ITGA7: variants seen among roughly 807,000 people sequenced by gnomAD.
ITGA7 encodes the protein integrin alpha-7.
Under a neutral mutation model 131.6 loss-of-function variants are expected in ITGA7, and 84 were observed. The observed-to-expected ratio is 0.64, with a 90% CI of 0.54 to 0.77. The LOEUF (loss-of-function observed/expected upper bound fraction) is 0.77, where lower values mean the gene tolerates loss of function less well. Among genes scored for constraint, ITGA7 ranks in the 30% least tolerant of loss-of-function variants. The probability of loss-of-function intolerance (pLI) is 0.00; values close to 1 mark genes in which losing one functional copy is unlikely to be tolerated. For synonymous variants in ITGA7, 548 were observed against 600.7 expected (o/e 0.91, Z 1.28); for missense variants, 1,399 against 1,482.9 (o/e 0.94, Z 0.93).
At chr12:55,695,042 C>T in intron 14 of ITGA7, 72 bp from the exon 15 acceptor site, 2 of 1,456,132 alleles carry the variant, frequency 1.4e-6, no homozygotes, top group Non-Finnish European at 9.4e-7. Flanking sequence ...CAGTCTGCTC[C>T]CCCAGTACCT....
upstream of ITGA7, among the ~76,000 whole-genome samples, chr12:55,714,709 T>C (rs1245944719): frequency 1.6e-5 from 2 of 126,464 alleles, no homozygotes; most frequent in Admixed American, 8.7e-5. Flanking sequence ...ATTTTATATA[T>C]ACATATATAC....
Position 55,700,990 on chromosome 12 carries a change from T to C in ITGA7, c.579A>G (p.Gln193=), listed in dbSNP as rs1332051001. 1 of 1,614,078 alleles carries C rather than the reference T, an allele frequency of 6.2e-7. No homozygotes were observed. Among genetic ancestry groups the C allele is most frequent in the Non-Finnish European group, 8.5e-7 (1 of 1,180,038 alleles). ...FCEGRPQGHE[Q]FGFCQQGTAA... is the part of the protein sequence containing the mutation. ...CTGTGCCCTGCTGGCAGAACCCAAA[T>C]TGTTCATGGCCTTGGGGGCGTCCCT... Residue 193 remains glutamine (Q), a synonymous_variant, in exon 4 of 25, where the codon CAA becomes CAG. Coordinates refer to ENST00000257879, the MANE Select transcript of ITGA7 (RefSeq NM_002206.3).
At chr12:55,690,550 G>A (rs898014626) in intron 21 of ITGA7, among the ~76,000 whole-genome samples, 6 of 149,994 alleles carry the variant, frequency 4.0e-5, no homozygotes, top group African/African-American at 1.2e-4. Flanking sequence ...CAAACCTTGT[G>A]GAAGTCAGTG....
chr12:55,707,586 C>A lies in ITGA7; in HGVS notation c.97G>T (p.Ala33Ser), dbSNP rs751094711. 2 of 1,613,670 alleles carry A rather than the reference C, an allele frequency of 1.2e-6. No homozygotes were observed. The highest frequency in any genetic ancestry group is 3.3e-5 in the Admixed American group (2 of 59,982). Residue 33 changes from alanine (A) to serine (S), a missense_variant, in exon 1 of 25, where the codon GCC (alanine) becomes TCC (serine). Transcript: ENST00000257879. ...GCACCCATCACGTCCAGATTGAAGG[C>A]GACAGCCCGTGAGAAGAGCAGTTCG... ...LVELLFSRAV[A>S]FNLDVMGALR... is the part of the protein sequence containing the mutation.
chr12:55,701,556 C>T, intron 3 of ITGA7: 1 of 789,582 alleles, frequency 1.3e-6, no homozygotes, highest in Admixed American at 2.1e-5. Flanking sequence ...CAAAGAACTT[C>T]CTGTCCGCTT....
chr12:55,699,865 C>T lies in ITGA7; in HGVS notation c.790+5G>A, dbSNP rs1304237615. 1 of 1,602,460 alleles carries T rather than the reference C, an allele frequency of 6.2e-7. No individual in the cohort carries two copies. The highest frequency in any genetic ancestry group is 1.7e-5 in the Admixed American group (1 of 57,230). Reference sequence around the variant, plus strand: ...CTAGAGTCCAGGAGGTGGGAGCTTACAAACCTAAGTAGCTATTGAGGGCCA... The same window carrying T: ...CTAGAGTCCAGGAGGTGGGAGCTTATAAACCTAAGTAGCTATTGAGGGCCA... On this transcript the variant is annotated splice_donor_5th_base_variant and intron_variant, in intron 5 of 24. Coordinates refer to ENST00000257879, the MANE Select transcript of ITGA7 (RefSeq NM_002206.3).
rs1047137380 is a variant in ITGA7 at position 55,706,617 on chromosome 12, T to C, written c.206+860A>G. ...GCAAGAGCCAAGGATACAGGCAACA[T>C]GACCAGTCACAGGCCCCTCACAAAA... On this transcript the variant is annotated intron_variant, in intron 1 of 24. Coordinates refer to ENST00000257879, the MANE Select transcript of ITGA7 (RefSeq NM_002206.3). Among the ~76,000 whole-genome samples the C allele has an allele frequency of 8.6e-5, 13 of 151,462 alleles. No homozygotes were observed. The South Asian group carries it at 2.5e-3, about 29-fold the overall frequency.
chr12:55,698,601 T>C (rs773457848), intron 6 of ITGA7, 25 bp from the exon 7 acceptor site: 13 of 1,613,988 alleles, frequency 8.1e-6, no homozygotes, highest in Non-Finnish European at 9.3e-6. Flanking sequence ...AAACATTCAG[T>C]GTGGGTCCTC....
rs538895083 is a variant in ITGA7, at chr12:55,699,327, C to T, written c.791-410G>A. On this transcript the variant is annotated intron_variant, in intron 5 of 24. Transcript: ENST00000257879. ...AAGAGCTAGAGGTCCCTCTCAGGCC[C>T]GAATCCCACCCAGTGCACCTCTTTC... 1.2e-4 allele frequency among the ~76,000 whole-genome samples: 19 copies of T among 152,234 alleles called. No homozygotes were observed. In the South Asian group the frequency reaches 2.5e-3, roughly 20 times the overall value.
upstream of ITGA7, among the ~76,000 whole-genome samples, chr12:55,714,972 T>C (rs1876411380): frequency 6.7e-6 from 1 of 150,040 alleles, no homozygotes; most frequent in Non-Finnish European, 1.5e-5. Flanking sequence ...GCGATTCTCC[T>C]GCCTCAGGCT....
chr12:55,712,927 G>C (rs190968423), upstream of ITGA7, among the ~76,000 whole-genome samples: 1 of 152,202 alleles, frequency 6.6e-6, no homozygotes, highest in Non-Finnish European at 1.5e-5. Flanking sequence ...TTGTGAAAAT[G>C]TCAGGCAGTT....
intron 21 of ITGA7, among the ~76,000 whole-genome samples, chr12:55,690,554 G>C (rs1871210383): frequency 2.0e-5 from 3 of 150,108 alleles, no homozygotes; most frequent in African/African-American, 2.4e-5. Flanking sequence ...CCTTGTGGAA[G>C]TCAGTGTGGC....
intron 1 of ITGA7, among the ~76,000 whole-genome samples, chr12:55,705,178 T>C (rs775166496): frequency 5.9e-5 from 9 of 151,780 alleles, no homozygotes; most frequent in Non-Finnish European, 1.3e-4. Flanking sequence ...GCTGAGTGCA[T>C]AGATATGCCC....
At chr12:55,695,740 C>T in intron 13 of ITGA7, 103 bp from the exon 14 acceptor site, 3 of 800,114 alleles carry the variant, frequency 3.7e-6, no homozygotes, top group South Asian at 2.8e-5. Context: ...GATTAAACAA[C>T]CTGTCCTCAA....
chr12:55,688,097 C>G lies in ITGA7; in HGVS notation c.3058-1G>C. 2.5e-6 allele frequency: 4 copies of G among 1,614,146 alleles called. No individual in the cohort carries two copies. Among genetic ancestry groups the G allele is most frequent in the Non-Finnish European group, 3.4e-6 (4 of 1,180,020 alleles). The stretch of plus-strand genomic sequence containing the variant: ...GGTCCAAGTATACCATCACTGGGAT[C>G]TGGGGAGCAAGGGGTCAATGGAGCA... On this transcript the variant is annotated splice_acceptor_variant, in intron 23 of 24. Transcript: ENST00000257879. LOFTEE classifies it high-confidence loss of function.
intron 4 of ITGA7, chr12:55,700,668 G>T: frequency 1.5e-6 from 1 of 656,236 alleles, no homozygotes; most frequent in Non-Finnish European, 2.6e-6. Context: ...CAGGCCCAGC[G>T]TGCACTTGGG....
At chr12:55,712,852 C>A (rs1876233790), upstream of ITGA7, among the ~76,000 whole-genome samples, 1 of 152,148 alleles carries the variant, frequency 6.6e-6, no homozygotes, top group Non-Finnish European at 1.5e-5. Flanking sequence ...GGCAAAGGAA[C>A]AGCCAGTGTG....
Position 55,695,102 on chromosome 12 carries a change from G to C in ITGA7, c.2004-132C>G, listed in dbSNP as rs938728272. ...CCCACCCCAGGTCCCCATCACACCC[G>C]TCCAAGCCTCAGGCCTCTGTACACA... On this transcript the variant is annotated intron_variant, in intron 14 of 24. Coordinates refer to ENST00000257879, the MANE Select transcript of ITGA7 (RefSeq NM_002206.3). The C allele has an allele frequency of 3.0e-5, 26 of 872,126 alleles. No homozygotes were observed. The South Asian group carries it at 3.4e-4, about 12-fold the overall frequency. The allele number at this position is 872,126 out of a possible 1,614,324, so 54.0% of individuals were successfully genotyped here.
intron 14 of ITGA7, 116 bp downstream of exon 14, chr12:55,695,406 C>A (rs959349677): frequency 2.6e-6 from 2 of 770,514 alleles, no homozygotes; most frequent in African/African-American, 3.4e-5. Context: ...CCTCTTCCAC[C>A]TTCTGCCTTT....
Sources: allele counts gnomAD v4.1 joint callset (sites outside exome capture counted in the v4.1 genomes callset), GRCh38; gene constraint gnomAD v4.1.1; transcripts MANE v1.5; gene names NCBI Gene and HGNC (gene_info 2026-07-23, HGNC 2026-07-21).